Variants in ITGA8 observed in about 807,000 individuals in gnomAD.
The protein encoded by ITGA8 is integrin subunit alpha 8, also known as integrin alpha-8.
Under a neutral mutation model 142.3 loss-of-function variants are expected in ITGA8, and 91 were observed. The observed-to-expected ratio is 0.64, with a 90% CI of 0.54 to 0.76. The LOEUF (loss-of-function observed/expected upper bound fraction) is 0.76, where lower values mean the gene tolerates loss of function less well. Ranked by LOEUF, ITGA8 falls within the 30% of genes least tolerant of loss-of-function variation. The pLI is 0.00. For missense variants in ITGA8, 1,406 were observed against 1,327.7 expected (o/e 1.06, Z -0.92); for synonymous variants, 505 against 485.2 (o/e 1.04, Z -0.54).
chr10:15,599,836 G>A (rs1833070346), intron 20 of ITGA8, among the ~76,000 whole-genome samples: 1 of 152,090 alleles, frequency 6.6e-6, no homozygotes, highest in Admixed American at 6.5e-5. Context: ...CAGGAGAATC[G>A]CTTGAACCTG....
chr10:15,568,717 A>G (rs1278095996), intron 25 of ITGA8, among the ~76,000 whole-genome samples: 2 of 152,216 alleles, frequency 1.3e-5, no homozygotes, highest in African/African-American at 2.4e-5. Flanking sequence ...CAAAAACCCA[A>G]CTTAATCCTC....
chr10:15,649,442 A>G (rs1834046007), intron 11 of ITGA8, among the ~76,000 whole-genome samples: 2 of 151,882 alleles, frequency 1.3e-5, no homozygotes, highest in Non-Finnish European at 2.9e-5. Context: ...CAGCCTGGCC[A>G]ATATGGTGAA....
At chr10:15,537,134 G>A (rs1472978034) in intron 27 of ITGA8, among the ~76,000 whole-genome samples, 3 of 152,050 alleles carry the variant, frequency 2.0e-5, no homozygotes, top group Non-Finnish European at 2.9e-5. Context: ...TTGCATGTTC[G>A]TTACATGGAC....
intron 21 of ITGA8, 36 bp from the exon 22 acceptor site, chr10:15,592,340 G>T: frequency 1.4e-6 from 2 of 1,439,334 alleles, no homozygotes; most frequent in Non-Finnish European, 9.7e-7. Flanking sequence ...AGAGTAGCTT[G>T]TACACAACAT....
chr10:15,625,179 T>C (rs916608158), intron 13 of ITGA8, among the ~76,000 whole-genome samples: 2 of 152,176 alleles, frequency 1.3e-5, no homozygotes, highest in Admixed American at 6.5e-5. Flanking sequence ...CATTTATGAG[T>C]TGGAACATGG....
At chr10:15,585,130 A>G (rs1347991601) in intron 23 of ITGA8, among the ~76,000 whole-genome samples, 2 of 152,192 alleles carry the variant, frequency 1.3e-5, no homozygotes, top group Non-Finnish European at 2.9e-5. Context: ...ACTAAAATGA[A>G]TCTCAAAAAC....
intron 25 of ITGA8, among the ~76,000 whole-genome samples, chr10:15,563,644 G>T (rs1352939065): frequency 6.6e-6 from 1 of 152,188 alleles, no homozygotes; most frequent in African/African-American, 2.4e-5. Context: ...GCCAGGTGCG[G>T]TGGCTCACGC....
At chr10:15,660,738 T>C (rs1379319229) in intron 9 of ITGA8, 141 bp downstream of exon 9, 16 of 680,184 alleles carry the variant, frequency 2.4e-5, no homozygotes, top group Non-Finnish European at 4.0e-5. Flanking sequence ...TAAGCTATGA[T>C]GTTCGGTGGA....
At chr10:15,643,611 A>T (rs1467560139) in intron 13 of ITGA8, among the ~76,000 whole-genome samples, 2 of 152,190 alleles carry the variant, frequency 1.3e-5, no homozygotes, top group Admixed American at 1.3e-4. Flanking sequence ...CTTTAAAAAC[A>T]TGAGCTTCAT....
intron 13 of ITGA8, among the ~76,000 whole-genome samples, chr10:15,639,043 C>T (rs1315405195): frequency 2.0e-5 from 3 of 151,908 alleles, no homozygotes; most frequent in East Asian, 1.9e-4. Flanking sequence ...GTAAGAGGAT[C>T]GCTAGAGCCC....
chr10:15,691,104 C>T (rs1834925988), intron 2 of ITGA8, among the ~76,000 whole-genome samples: 4 of 152,154 alleles, frequency 2.6e-5, no homozygotes, highest in Admixed American at 2.6e-4. Flanking sequence ...CTTAACATCC[C>T]TAATCATCAG....
chr10:15,610,380 A>G, intron 15 of ITGA8, among the ~76,000 whole-genome samples: 1 of 152,202 alleles, frequency 6.6e-6, no homozygotes, highest in East Asian at 1.9e-4. Flanking sequence ...ACAGCTAATT[A>G]CAAAGTATAC....
At chr10:15,592,191 T>G in intron 22 of ITGA8, 34 bp downstream of exon 22, 2 of 1,483,866 alleles carry the variant, frequency 1.3e-6, no homozygotes, top group Non-Finnish European at 9.4e-7. Context: ...TTCTTTTGAC[T>G]GCTGTCAACG....
At chr10:15,711,244 T>A (rs965537184) in intron 2 of ITGA8, among the ~76,000 whole-genome samples, 2 of 152,168 alleles carry the variant, frequency 1.3e-5, no homozygotes, top group African/African-American at 4.8e-5. Context: ...ATTTAAAGAA[T>A]GTTGAAGAAG....
intron 27 of ITGA8, among the ~76,000 whole-genome samples, chr10:15,531,910 G>A (rs6602875): frequency 0.37 from 55,848 of 151,618 alleles, 10,934 homozygotes; most frequent in African/African-American, 0.5. Context: ...ACGCCACTGC[G>A]CTCCGACCTG....
At position 15,639,448 on chromosome 10, in the gene ITGA8, G is replaced by A. The variant is rs1043881610; in HGVS notation, c.1399+4582C>T. Among the ~76,000 whole-genome samples the A allele has an allele frequency of 5.9e-5, 9 of 152,160 alleles. No individual in the cohort carries two copies. In the East Asian group the frequency reaches 1.5e-3, roughly 26 times the overall value. On this transcript the variant is annotated intron_variant, in intron 13 of 29. Transcript: ENST00000378076. ...TCATCACAGTATCTGAAGGGGTGCTGTGCATTCAGCTTTATTAACAAGCCC... is the reference window on the plus strand; with the variant it reads ...TCATCACAGTATCTGAAGGGGTGCTATGCATTCAGCTTTATTAACAAGCCC...
intron 4 of ITGA8, among the ~76,000 whole-genome samples, chr10:15,679,358 G>A (rs745663653): frequency 5.3e-5 from 8 of 152,228 alleles, no homozygotes; most frequent in South Asian, 4.2e-4. Flanking sequence ...GCCAAGGTGC[G>A]CAGATCATGA....
intron 2 of ITGA8, 145 bp downstream of exon 2, chr10:15,718,621 T>C: frequency 1.0e-6 from 1 of 1,001,094 alleles, no homozygotes. Context: ...AAAACTGATT[T>C]CTCTAGAGAC....
At position 15,690,328 on chromosome 10, in the gene ITGA8, T is replaced by C. The variant is rs377659553; in HGVS notation, c.344-2290A>G. Reference sequence around the variant, plus strand: ...AACCTGAATTGCAGCTGTGCCCTACTTTCCAGGGCCTGAGCCTCTGAAATA... The same window carrying C: ...AACCTGAATTGCAGCTGTGCCCTACCTTCCAGGGCCTGAGCCTCTGAAATA... On this transcript the variant is annotated intron_variant, in intron 2 of 29. Coordinates refer to ENST00000378076, the MANE Select transcript of ITGA8 (RefSeq NM_003638.3). Among the ~76,000 whole-genome samples the C allele has an allele frequency of 7.1e-4, 108 of 152,248 alleles. 1 individual carries two copies. In the East Asian group the frequency reaches 0.016, roughly 22 times the overall value.
Sources: allele counts gnomAD v4.1 joint callset (sites outside exome capture counted in the v4.1 genomes callset), GRCh38; gene constraint gnomAD v4.1.1; transcripts MANE v1.5; gene names NCBI Gene and HGNC (gene_info 2026-07-23, HGNC 2026-07-21).